Variants in SAP30BP observed in about 807,000 individuals in gnomAD.
The protein encoded by SAP30BP is SAP30-binding protein.
A neutral mutation model predicts 46.3 loss-of-function variants in SAP30BP; 31 were observed. That is an observed-to-expected ratio of 0.67 (90% CI 0.50 to 0.90). The LOEUF (loss-of-function observed/expected upper bound fraction) is 0.90. SAP30BP is among the 40% of genes least tolerant of loss of function. SAP30BP has a pLI of 0.00. For synonymous variants in SAP30BP, 169 were observed against 144.2 expected (o/e 1.17, Z -1.23); for missense variants, 312 against 391.0 (o/e 0.80, Z 1.70).
intron 3 of SAP30BP, among the ~76,000 whole-genome samples, chr17:75,682,919 C>G (rs1174658463): frequency 7.0e-6 from 1 of 143,236 alleles, no homozygotes; most frequent in South Asian, 2.2e-4. Flanking sequence ...GCTGAGATCA[C>G]GCCACTGCAC....
In SAP30BP at chr17:75,704,766, G is replaced by A. The variant is rs1266764881; in HGVS notation, c.612G>A (p.Gln204=). ...DSYYEALAKA[Q]KIEMDKLEKA... ...CTCTTGTCTTCATAGCCAAGGCCCA[G>A]AAAATTGAGATGGACAAATTGGAAA... Residue 204 remains glutamine (Q), a synonymous_variant, in exon 9 of 11, where the codon CAG becomes CAA. Transcript: ENST00000584667. 1 of 1,613,830 alleles carries A rather than the reference G, an allele frequency of 6.2e-7. No homozygotes were observed. Among genetic ancestry groups the A allele is most frequent in the Non-Finnish European group, 8.5e-7 (1 of 1,179,858 alleles).
chr17:75,696,179 C>G (rs1280560719), intron 4 of SAP30BP, among the ~76,000 whole-genome samples: 1 of 152,168 alleles, frequency 6.6e-6, no homozygotes, highest in Non-Finnish European at 1.5e-5. Context: ...AGACCCAGCG[C>G]TGCTTCCAAG....
At chr17:75,688,140 G>T (rs2148399090) in intron 3 of SAP30BP, among the ~76,000 whole-genome samples, 1 of 152,304 alleles carries the variant, frequency 6.6e-6, no homozygotes, top group Middle Eastern at 3.4e-3. Context: ...AGGCAGGAGT[G>T]GGGAGAAGGT....
intron 3 of SAP30BP, among the ~76,000 whole-genome samples, chr17:75,686,987 C>G (rs1012976597): frequency 1.3e-5 from 2 of 152,232 alleles, no homozygotes; most frequent in Admixed American, 1.3e-4. Flanking sequence ...ACATTGATCT[C>G]AGAAAACCTT....
intron 1 of SAP30BP, 31 bp from the exon 2 acceptor site, chr17:75,668,485 T>TTG: frequency 7.5e-7 from 1 of 1,326,368 alleles, no homozygotes; most frequent in African/African-American, 1.5e-5. Context: ...TTCTTGCTTT[T>TTG]TGTTTGTTTG....
chr17:75,699,675 T>A (rs189250820), intron 4 of SAP30BP, 108 bp from the exon 5 acceptor site: 2 of 722,466 alleles, frequency 2.8e-6, no homozygotes, highest in Non-Finnish European at 4.9e-6. Flanking sequence ...ACTGTTTTCA[T>A]AGTGTTTATC....
chr17:75,674,704 T>TTTTTTTG (rs2059962321), intron 3 of SAP30BP, among the ~76,000 whole-genome samples: 2 of 29,358 alleles, frequency 6.8e-5, no homozygotes, highest in Non-Finnish European at 9.4e-5. Flanking sequence ...TTTGTTTTTT[T>TTTTTTTG]TTTTTTTTTT....
chr17:75,705,852 G>C, intron 9 of SAP30BP, 156 bp from the exon 10 acceptor site: 3 of 1,174,520 alleles, frequency 2.6e-6, no homozygotes, highest in Non-Finnish European at 3.5e-6. Flanking sequence ...GTTCTTCTTA[G>C]ACATCTCGCC....
At chr17:75,680,986 A>T (rs189234948) in intron 3 of SAP30BP, among the ~76,000 whole-genome samples, 3 of 152,236 alleles carry the variant, frequency 2.0e-5, no homozygotes, top group Admixed American at 1.3e-4. Context: ...GTGAGCCGAG[A>T]TCTGTACCAC....
At chr17:75,704,665 C>T in intron 8 of SAP30BP, 91 bp from the exon 9 acceptor site, 1 of 978,298 alleles carries the variant, frequency 1.0e-6, no homozygotes, top group Non-Finnish European at 1.7e-6. Flanking sequence ...GGCCTTTAGC[C>T]CGCTGAAAAG....
At chr17:75,696,077 G>A (rs112142811) in intron 4 of SAP30BP, among the ~76,000 whole-genome samples, 26 of 152,270 alleles carry the variant, frequency 1.7e-4, no homozygotes, top group African/African-American at 5.8e-4. Flanking sequence ...ACTTGGGCAC[G>A]CACCAGGGCA....
intron 3 of SAP30BP, among the ~76,000 whole-genome samples, chr17:75,674,133 G>A (rs1301649058): frequency 6.6e-6 from 1 of 151,980 alleles, no homozygotes; most frequent in Non-Finnish European, 1.5e-5. Flanking sequence ...GCATCTCCAA[G>A]GACTACAAAT....
chr17:75,682,017 C>T (rs2060083378), intron 3 of SAP30BP, among the ~76,000 whole-genome samples: 1 of 151,880 alleles, frequency 6.6e-6, no homozygotes, highest in Non-Finnish European at 1.5e-5. Context: ...CTTGAGCTCT[C>T]AGAGCTTAAG....
chr17:75,680,202 TC>T (rs1938899430), intron 3 of SAP30BP, among the ~76,000 whole-genome samples: 1 of 151,974 alleles, frequency 6.6e-6, no homozygotes, highest in South Asian at 2.1e-4. Context: ...AAAAGAATCC[TC>T]CCAGCCCAGG....
In SAP30BP at chr17:75,705,920, G is replaced by A. The variant is rs201050226; in HGVS notation, c.661-88G>A. On this transcript the variant is annotated intron_variant, in intron 9 of 10. Transcript: ENST00000584667. ...CAATGCCTCTTTTGTGTAGTGCCAA[G>A]CTCCTGTCCCCCAGGAGCTGACGGA... 8.8e-4 allele frequency: 1,384 copies of A among 1,572,570 alleles called. 18 individuals carry two copies. The highest frequency in any genetic ancestry group is 2.4e-4 in the Admixed American group (14 of 59,294).
chr17:75,673,626 AC>A (rs765387412), intron 3 of SAP30BP, among the ~76,000 whole-genome samples: 1 of 152,248 alleles, frequency 6.6e-6, no homozygotes, highest in East Asian at 1.9e-4. Context: ...CTTAACGGTC[AC>A]CCCTTCTAAA....
At chr17:75,704,988 G>A (rs1204456942) in intron 9 of SAP30BP, 174 bp downstream of exon 9, 7 of 604,480 alleles carry the variant, frequency 1.2e-5, no homozygotes, top group South Asian at 7.6e-5. Context: ...CTGGGTTCAC[G>A]GCGCTCGTCT....
At chr17:75,673,678 G>A (rs2059940298) in intron 3 of SAP30BP, among the ~76,000 whole-genome samples, 2 of 152,118 alleles carry the variant, frequency 1.3e-5, no homozygotes, top group African/African-American at 2.4e-5. Flanking sequence ...AGATGACAGG[G>A]CTTTGTGAGT....
chr17:75,682,436 C>T (rs915088190), intron 3 of SAP30BP, among the ~76,000 whole-genome samples: 2 of 152,030 alleles, frequency 1.3e-5, no homozygotes, highest in East Asian at 1.9e-4. Flanking sequence ...ACACCTGCCT[C>T]GGCCTCCCAA....
Sources: allele counts gnomAD v4.1 joint callset (sites outside exome capture counted in the v4.1 genomes callset), GRCh38; gene constraint gnomAD v4.1.1; transcripts MANE v1.5; gene names NCBI Gene and HGNC (gene_info 2026-07-23, HGNC 2026-07-21).